Variants in RELN observed in about 807,000 individuals in gnomAD.
RELN encodes reelin.
In RELN, 108 loss-of-function variants were observed where a neutral mutation model predicts 427.6. The observed-to-expected ratio is 0.25, with a 90% confidence interval of 0.22 to 0.30. RELN has a LOEUF of 0.30. Among genes scored for constraint, RELN ranks in the 10% least tolerant of loss-of-function variants. The probability of loss-of-function intolerance (pLI) is 1.00; values close to 1 mark genes in which losing one functional copy is unlikely to be tolerated. For synonymous variants in RELN, 1,524 were observed against 1,513.4 expected, an observed-to-expected ratio of 1.01 and a Z score of -0.16; for missense variants, 3,715 against 4,302.8, an observed-to-expected ratio of 0.86 and a Z score of 3.82.
chr7:103,740,698 T>A (rs1490033916), intron 6 of RELN, among the ~76,000 whole-genome samples: 2 of 152,200 alleles, frequency 1.3e-5, no homozygotes, highest in African/African-American at 4.8e-5. Context: ...AAAAGTTGAA[T>A]TCATTAGGTG....
At chr7:103,572,512 A>G in intron 30 of RELN, among the ~76,000 whole-genome samples, 1 of 152,084 alleles carries the variant, frequency 6.6e-6, no homozygotes, top group East Asian at 1.9e-4. Context: ...ACCGTTGAAT[A>G]TCACTTCATT....
At chr7:103,866,097 G>T (rs1323270559) in intron 2 of RELN, among the ~76,000 whole-genome samples, 1 of 151,996 alleles carries the variant, frequency 6.6e-6, no homozygotes, top group Non-Finnish European at 1.5e-5. Flanking sequence ...CAGTTAAAAT[G>T]ATTTGCAAGC....
intron 2 of RELN, among the ~76,000 whole-genome samples, chr7:103,883,235 AC>A (rs1335921399): frequency 2.6e-5 from 4 of 152,156 alleles, no homozygotes; most frequent in Non-Finnish European, 4.4e-5. Context: ...AAAATTCACC[AC>A]CCCTTAATGC....
At chr7:103,946,346 CTTTAA>C (rs1467317689) in intron 1 of RELN, among the ~76,000 whole-genome samples, 7 of 152,110 alleles carry the variant, frequency 4.6e-5, no homozygotes, top group African/African-American at 9.6e-5. Context: ...ACAGATAAAC[CTTTAA>C]TTTTTCATTC....
chr7:103,753,256 T>C, intron 4 of RELN, 42 bp from the exon 5 acceptor site: 3 of 1,609,076 alleles, frequency 1.9e-6, no homozygotes, highest in South Asian at 2.2e-5. Flanking sequence ...TGATCAGGAA[T>C]GAAAGCAAAA....
chr7:103,872,030 A>ATATATTT lies in RELN; in HGVS notation c.338-38359_338-38358insAAATATA, dbSNP rs773045936. Among the ~76,000 whole-genome samples the ATATATTT allele has an allele frequency of 8.4e-3, 1,156 of 138,442 alleles. 8 individuals are homozygous for ATATATTT. Among genetic ancestry groups the ATATATTT allele is most frequent in the Non-Finnish European group, 0.012 (734 of 63,338 alleles). The allele number at this position is 138,442 out of a possible 152,430, so 90.8% of individuals were successfully genotyped here. On this transcript the variant is annotated intron_variant, in intron 2 of 64. Transcript: ENST00000428762. Reference sequence around the variant, plus strand: ...AGTATATGAATATATATATATATATATTTTTCTTTTTTCTTTTTTTTCTTT... The same window carrying ATATATTT: ...AGTATATGAATATATATATATATATATATATTTTTTTTCTTTTTTCTTTTTTTTCTTT...
At chr7:103,636,636 G>A (rs957109274) in intron 17 of RELN, among the ~76,000 whole-genome samples, 168 bp from the exon 18 acceptor site, 4 of 152,052 alleles carry the variant, frequency 2.6e-5, no homozygotes, top group Non-Finnish European at 5.9e-5. Flanking sequence ...AGGGCTAATC[G>A]ACTGTAAATA....
At chr7:103,837,033 A>G (rs559117902) in intron 2 of RELN, among the ~76,000 whole-genome samples, 32 of 144,706 alleles carry the variant, frequency 2.2e-4, no homozygotes, top group Non-Finnish European at 3.7e-4. Flanking sequence ...ATATTCTCCT[A>G]TGTTTTCTTT....
intron 1 of RELN, among the ~76,000 whole-genome samples, chr7:103,947,172 A>G (rs564885619): frequency 3.9e-5 from 6 of 152,192 alleles, no homozygotes; most frequent in Non-Finnish European, 8.8e-5. Flanking sequence ...AAGGAAATCA[A>G]CTGTGACTCA....
chr7:103,951,426 T>A (rs909803651), intron 1 of RELN, among the ~76,000 whole-genome samples: 1 of 152,200 alleles, frequency 6.6e-6, no homozygotes, highest in Non-Finnish European at 1.5e-5. Flanking sequence ...ATGACTACTT[T>A]GGATATTGCA....
Position 103,603,270 on chromosome 7 carries a change from T to C in RELN, c.3333+34A>G. 1 of 1,552,894 alleles carries C rather than the reference T, an allele frequency of 6.4e-7. No homozygotes were observed. Among genetic ancestry groups the C allele is most frequent in the Non-Finnish European group, 8.9e-7 (1 of 1,124,362 alleles). ...CAGAGTCTCATATTAAACTAGCCAT[T>C]GCCCCGATGACTTATCCCAGCTGTT... On this transcript the variant is annotated intron_variant, in intron 24 of 64. Coordinates refer to ENST00000428762, the MANE Select transcript of RELN (RefSeq NM_005045.4). The surrounding 1 kb of genome is among the most constrained non-coding windows in gnomAD (Gnocchi z 4.3).
At chr7:103,479,416 T>C (rs3823992) in intron 63 of RELN, among the ~76,000 whole-genome samples, 29,117 of 152,168 alleles carry the variant, frequency 0.19, 3,187 homozygotes, top group African/African-American at 0.3. Context: ...ATTCAGACTT[T>C]ATGGAATGAG....
chr7:103,830,073 T>TAAAAAAAATAAAATAAAAAAATAAAGTA (rs763508160), intron 3 of RELN, among the ~76,000 whole-genome samples: 1 of 151,546 alleles, frequency 6.6e-6, no homozygotes. Context: ...AAGTAGACAC[T>TAAAAAAAATAAAATAAAAAAATAAAGTA]GCCAATTACA....
intron 60 of RELN, among the ~76,000 whole-genome samples, chr7:103,489,086 G>C (rs1343132093): frequency 3.3e-5 from 5 of 152,158 alleles, no homozygotes; most frequent in Non-Finnish European, 4.4e-5. Flanking sequence ...CCTTCTAACA[G>C]ACCAACAGAG....
At chr7:103,918,605 A>G (rs1258218438) in intron 1 of RELN, among the ~76,000 whole-genome samples, 3 of 152,312 alleles carry the variant, frequency 2.0e-5, no homozygotes, top group South Asian at 4.1e-4. Context: ...TCGAGTGTCT[A>G]GAATAATTTA....
intron 2 of RELN, among the ~76,000 whole-genome samples, chr7:103,847,689 A>G (rs1793713937): frequency 6.6e-6 from 1 of 152,128 alleles, no homozygotes; most frequent in African/African-American, 2.4e-5. Flanking sequence ...GGACCTGGTG[A>G]TAGTTTATTT....
intron 11 of RELN, among the ~76,000 whole-genome samples, chr7:103,672,968 T>C (rs1186196024): frequency 6.6e-6 from 1 of 152,140 alleles, no homozygotes; most frequent in Non-Finnish European, 1.5e-5. Context: ...TTCTGTTACA[T>C]TTGTCTGGTA....
chr7:103,880,067 C>T (rs755772698), intron 2 of RELN, among the ~76,000 whole-genome samples: 2 of 151,914 alleles, frequency 1.3e-5, no homozygotes, highest in African/African-American at 2.4e-5. Flanking sequence ...TGAAAAACTA[C>T]AAAAATACCA....
chr7:103,872,977 G>A (rs1322879400), intron 2 of RELN, among the ~76,000 whole-genome samples: 4 of 151,686 alleles, frequency 2.6e-5, no homozygotes, highest in Non-Finnish European at 5.9e-5. Flanking sequence ...TTTGTCAGAT[G>A]AGTAGGTTGA....
Sources: allele counts gnomAD v4.1 joint callset (sites outside exome capture counted in the v4.1 genomes callset), GRCh38; gene constraint gnomAD v4.1.1; non-coding constraint Gnocchi (gnomAD v3.1); transcripts MANE v1.5; gene names NCBI Gene and HGNC (gene_info 2026-07-23, HGNC 2026-07-21).